Variants in MSI2 observed in about 807,000 individuals in gnomAD.
MSI2 encodes the protein RNA-binding protein Musashi homolog 2.
MSI2 carries 17 observed loss-of-function variants against 45.6 expected under a neutral mutation model. The observed-to-expected ratio is 0.37, with a 90% confidence interval of 0.26 to 0.56. The LOEUF is 0.56. Ranked by LOEUF, MSI2 falls within the 20% of genes least tolerant of loss-of-function variation. MSI2 has a pLI of 0.77. For synonymous variants in MSI2, 156 were observed against 158.2 expected, an observed-to-expected ratio of 0.99 and a Z score of 0.11; for missense variants, 293 against 444.2, an observed-to-expected ratio of 0.66 and a Z score of 3.06.
chr17:57,348,715 A>G lies in MSI2; in HGVS notation c.313-52664A>G, dbSNP rs1240241175. Among the ~76,000 whole-genome samples, 4 of 152,286 alleles carry G rather than the reference A, an allele frequency of 2.6e-5. No individual in the cohort carries two copies. The East Asian group carries it at 7.7e-4, about 29-fold the overall frequency. On this transcript the variant is annotated intron_variant, in intron 5 of 13. Coordinates refer to ENST00000284073, the MANE Select transcript of MSI2 (RefSeq NM_138962.4). ...GTACAGCCTGAAGAACCGCGAGCCA[A>G]AAAACTTCCTTTCTTTATAAATTAC...
chr17:57,527,471 G>GC (rs201068244), intron 6 of MSI2, among the ~76,000 whole-genome samples: 1 of 152,020 alleles, frequency 6.6e-6, no homozygotes, highest in Non-Finnish European at 1.5e-5. Context: ...CGTCGGCGGG[G>GC]GCTCTTGAAG....
At chr17:57,329,538 T>A (rs190008764) in intron 5 of MSI2, among the ~76,000 whole-genome samples, 1 of 152,276 alleles carries the variant, frequency 6.6e-6, no homozygotes, top group Admixed American at 6.5e-5. Context: ...CAGAAACTCA[T>A]AGTGGGGTTT....
chr17:57,433,274 A>G (rs1435330541), intron 6 of MSI2, among the ~76,000 whole-genome samples: 1 of 152,176 alleles, frequency 6.6e-6, no homozygotes, highest in African/African-American at 2.4e-5. Flanking sequence ...CTTATTTGTA[A>G]ATAGGGTCTT....
intron 8 of MSI2, among the ~76,000 whole-genome samples, chr17:57,614,551 G>A (rs547521613): frequency 5.9e-5 from 9 of 152,112 alleles, no homozygotes; most frequent in African/African-American, 2.2e-4. Flanking sequence ...TCTTTTCTCC[G>A]TCATTTAAAT....
chr17:57,371,392 G>C (rs373827679), intron 5 of MSI2, among the ~76,000 whole-genome samples: 7 of 151,992 alleles, frequency 4.6e-5, no homozygotes, highest in Admixed American at 3.3e-4. Context: ...CAAACACTTG[G>C]GAAAATTTTG....
chr17:57,389,349 C>A (rs567459008), intron 5 of MSI2, among the ~76,000 whole-genome samples: 2 of 152,326 alleles, frequency 1.3e-5, no homozygotes, highest in Admixed American at 1.3e-4. Flanking sequence ...ATTCAGCCTT[C>A]CCGTTGGGCC....
chr17:57,592,811 C>G (rs185030265), intron 7 of MSI2, among the ~76,000 whole-genome samples: 5 of 152,182 alleles, frequency 3.3e-5, no homozygotes, highest in Admixed American at 1.3e-4. Context: ...TGTCTCCTAC[C>G]TCAGTTGCCT....
chr17:57,416,542 G>A (rs1201819000), intron 6 of MSI2, among the ~76,000 whole-genome samples: 4 of 152,192 alleles, frequency 2.6e-5, no homozygotes, highest in Non-Finnish European at 5.9e-5. Flanking sequence ...CGTGGACTGG[G>A]ATTTTTCTCG....
At chr17:57,563,785 T>A (rs12453064) in intron 7 of MSI2, among the ~76,000 whole-genome samples, 1 of 104,560 alleles carries the variant, frequency 9.6e-6, no homozygotes, top group Non-Finnish European at 2.0e-5. Flanking sequence ...CACACACACA[T>A]AGGCCTCTGT....
intron 10 of MSI2, among the ~76,000 whole-genome samples, chr17:57,642,359 C>G (rs2144655943): frequency 6.6e-6 from 1 of 152,348 alleles, no homozygotes; most frequent in African/African-American, 2.4e-5. Context: ...ACTCCCATCT[C>G]TGAGGACTGA....
Position 57,291,465 on chromosome 17 carries a change from A to G in MSI2, c.312+29273A>G, listed in dbSNP as rs142158352. Among the ~76,000 whole-genome samples, 764 of 152,356 alleles carry G rather than the reference A, an allele frequency of 5.0e-3. 7 individuals are homozygous for G. Among genetic ancestry groups the G allele is most frequent in the African/African-American group, 0.017 (718 of 41,580 alleles). On this transcript the variant is annotated intron_variant, in intron 5 of 13. Coordinates refer to ENST00000284073, the MANE Select transcript of MSI2 (RefSeq NM_138962.4). ...TGGTAAATTAAAGTTGATTTATTGC[A>G]CATAATATATACAGGTGCTCCTAAT... is the stretch of plus-strand genomic sequence containing the variant.
chr17:57,383,245 G>A (rs544698214), intron 5 of MSI2, among the ~76,000 whole-genome samples: 1 of 152,362 alleles, frequency 6.6e-6, no homozygotes, highest in Non-Finnish European at 1.5e-5. Flanking sequence ...TTTTGCCTAG[G>A]AAGAGGAGGA....
chr17:57,374,005 A>G (rs1239922303), intron 5 of MSI2, among the ~76,000 whole-genome samples: 1 of 152,220 alleles, frequency 6.6e-6, no homozygotes, highest in Non-Finnish European at 1.5e-5. Context: ...GGACCGATTT[A>G]CCATGTCTAC....
At chr17:57,279,402 TAGAC>T (rs909528575) in intron 5 of MSI2, 4 of 152,220 alleles carry the variant, frequency 2.6e-5, no homozygotes, top group African/African-American at 9.7e-5. Context: ...TGGGAGCAGT[TAGAC>T]AGCTTGGATT....
intron 1 of MSI2, 100 bp downstream of exon 1, chr17:57,256,904 C>A (rs1160264829): frequency 7.2e-6 from 5 of 694,580 alleles, no homozygotes; most frequent in South Asian, 3.2e-5. Flanking sequence ...CGCGCCCCCC[C>A]GCCTCTCCCG....
chr17:57,636,955 G>A (rs975888119), intron 10 of MSI2, among the ~76,000 whole-genome samples: 3 of 152,222 alleles, frequency 2.0e-5, no homozygotes, highest in Admixed American at 6.5e-5. Context: ...GCTAGATGCT[G>A]CAGCACTGTA....
At chr17:57,690,732 CTATTCTCTT>C in the MSI2 span, among the ~76,000 whole-genome samples, 67,310 of 151,570 alleles carry the variant, frequency 0.44, 16,419 homozygotes, top group African/African-American at 0.65. Context: ...CAGTCTTTGG[CTATTCTCTT>C]TATTCTCTTA....
intron 11 of MSI2, among the ~76,000 whole-genome samples, chr17:57,653,229 T>C (rs988721011): frequency 1.3e-5 from 2 of 152,156 alleles, no homozygotes; most frequent in African/African-American, 4.8e-5. Context: ...AAAACTTCAG[T>C]AAAAATCCGT....
intron 6 of MSI2, chr17:57,450,311 G>GAAAGAAAGAA (rs1555607295): frequency 2.2e-5 from 3 of 134,508 alleles, no homozygotes; most frequent in South Asian, 2.6e-4. Flanking sequence ...AAGAAAGAAA[G>GAAAGAAAGAA]AAAGAAAGAA....
Sources: gnomAD v4.1 joint callset for allele counts (sites outside exome capture counted in the v4.1 genomes callset) on GRCh38, gnomAD v4.1.1 for gene constraint, MANE v1.5 for transcripts, NCBI Gene and HGNC (gene_info 2026-07-23, HGNC 2026-07-21) for gene names.